SLC24A3: variants seen among roughly 807,000 people sequenced by gnomAD.
The protein encoded by SLC24A3 is sodium/potassium/calcium exchanger 3.
Under a neutral mutation model 75.8 loss-of-function variants are expected in SLC24A3, and 28 were observed. The observed-to-expected ratio is 0.37, with a 90% CI of 0.27 to 0.51. The LOEUF (loss-of-function observed/expected upper bound fraction) is 0.51. Among genes scored for constraint, SLC24A3 ranks in the 20% least tolerant of loss-of-function variants. The pLI is 0.94. For synonymous variants in SLC24A3, 372 were observed against 334.1 expected, an observed-to-expected ratio of 1.11 and a Z score of -1.24; for missense variants, 663 against 847.8, an observed-to-expected ratio of 0.78 and a Z score of 2.71.
intron 2 of SLC24A3, among the ~76,000 whole-genome samples, chr20:19,462,740 A>C (rs16980629): frequency 0.016 from 2,478 of 152,276 alleles, 68 homozygotes; most frequent in East Asian, 0.1. Context: ...ATCACCATGA[A>C]GTCAATGAGA....
chr20:19,430,316 CAG>C (rs369757494), intron 2 of SLC24A3, among the ~76,000 whole-genome samples: 92 of 152,242 alleles, frequency 6.0e-4, no homozygotes, highest in African/African-American at 1.8e-3. Context: ...ATAATCAAAA[CAG>C]AGTTTTCCCT....
chr20:19,559,448 G>C (rs1007490018), intron 3 of SLC24A3, among the ~76,000 whole-genome samples: 1 of 152,120 alleles, frequency 6.6e-6, no homozygotes, highest in Non-Finnish European at 1.5e-5. Context: ...GGAGAGCAAA[G>C]TACTTTTATT....
At chr20:19,654,258 T>C in intron 7 of SLC24A3, 122 bp downstream of exon 7, 2 of 808,730 alleles carry the variant, frequency 2.5e-6, no homozygotes, top group Non-Finnish European at 4.1e-6. Context: ...TGCATGTCTT[T>C]GCTTGGAGGC....
intron 2 of SLC24A3, among the ~76,000 whole-genome samples, chr20:19,436,587 T>C (rs1262441809): frequency 2.0e-5 from 3 of 152,206 alleles, no homozygotes; most frequent in African/African-American, 7.2e-5. Context: ...TCTGGCTGCC[T>C]CTCTCATCAT....
At chr20:19,296,266 G>GTTT (rs1319511739) in intron 2 of SLC24A3, among the ~76,000 whole-genome samples, 4 of 59,780 alleles carry the variant, frequency 6.7e-5, no homozygotes, top group African/African-American at 9.2e-5. Context: ...CTAGCTAGTG[G>GTTT]TCTTTTTTTT....
chr20:19,322,365 CCCTTCCTTCCTTCCTTCCTTCCTT>C lies in SLC24A3; in HGVS notation c.271+41312_271+41335del, dbSNP rs59240769. On this transcript the variant is annotated intron_variant, in intron 2 of 16. Coordinates refer to ENST00000328041, the MANE Select transcript of SLC24A3 (RefSeq NM_020689.4). ...TTGAGCCTTCTTTCCTTCCTTCCTT[CCCTTCCTTCCTTCCTTCCTTCCTT>C]CCTTCCTTCCTTCCTTCCTTCCTTC... Among the ~76,000 whole-genome samples, 7 of 80,072 alleles carry C rather than the reference CCCTTCCTTCCTTCCTTCCTTCCTT, an allele frequency of 8.7e-5. No homozygotes were observed. In the East Asian group the frequency reaches 9.8e-4, roughly 11 times the overall value. The allele number at this position is 80,072 out of a possible 152,430, so 52.5% of individuals were successfully genotyped here. A position where few individuals can be genotyped will look rare whatever the true frequency, so the allele number is the denominator to read the frequency against.
intron 7 of SLC24A3, among the ~76,000 whole-genome samples, chr20:19,658,923 C>G (rs1380895684): frequency 6.6e-6 from 1 of 152,192 alleles, no homozygotes; most frequent in Non-Finnish European, 1.5e-5. Flanking sequence ...TTCCAGCAGA[C>G]GGACAGTTTT....
At chr20:19,380,385 T>G (rs1219169482) in intron 2 of SLC24A3, among the ~76,000 whole-genome samples, 2 of 152,156 alleles carry the variant, frequency 1.3e-5, no homozygotes, top group East Asian at 3.8e-4. Context: ...TGGGTTGTGC[T>G]AAGGAGGCCG....
At chr20:19,699,130 A>T (rs2032843504) in intron 15 of SLC24A3, among the ~76,000 whole-genome samples, 1 of 152,384 alleles carries the variant, frequency 6.6e-6, no homozygotes, top group Non-Finnish European at 1.5e-5. Context: ...TGTAAAAACC[A>T]TTCTTCACTC....
At chr20:19,624,454 C>T (rs987810812) in intron 6 of SLC24A3, among the ~76,000 whole-genome samples, 15 of 152,188 alleles carry the variant, frequency 9.9e-5, no homozygotes, top group Non-Finnish European at 1.5e-4. Context: ...CACACAAGAA[C>T]GAACATTTAT....
At chr20:19,356,398 A>G (rs559548655) in intron 2 of SLC24A3, among the ~76,000 whole-genome samples, 2 of 152,342 alleles carry the variant, frequency 1.3e-5, no homozygotes, top group South Asian at 4.1e-4. Flanking sequence ...AATGCCAAGT[A>G]TCAGCTGCAT....
chr20:19,495,767 A>G (rs1396866394), intron 2 of SLC24A3, among the ~76,000 whole-genome samples: 1 of 152,136 alleles, frequency 6.6e-6, no homozygotes, highest in African/African-American at 2.4e-5. Flanking sequence ...GAAAAGTACA[A>G]TCTTTTCCAT....
intron 8 of SLC24A3, among the ~76,000 whole-genome samples, chr20:19,668,027 TG>T (rs1222869588): frequency 6.6e-6 from 1 of 152,118 alleles, no homozygotes; most frequent in African/African-American, 2.4e-5. Context: ...TTGATCTATC[TG>T]GGGGGCATTG....
At chr20:19,576,475 A>C (rs117354332) in intron 3 of SLC24A3, among the ~76,000 whole-genome samples, 1 of 152,108 alleles carries the variant, frequency 6.6e-6, no homozygotes, top group Non-Finnish European at 1.5e-5. Context: ...TGGCAGGCCC[A>C]CCGTCAGGTG....
chr20:19,236,002 A>G (rs78220289), intron 1 of SLC24A3, among the ~76,000 whole-genome samples: 1,822 of 152,362 alleles, frequency 0.012, 18 homozygotes, highest in Non-Finnish European at 0.019. Context: ...GTGCTCATGT[A>G]TGAGACAAAT....
intron 2 of SLC24A3, among the ~76,000 whole-genome samples, chr20:19,309,131 C>T (rs1984399505): frequency 1.3e-5 from 2 of 152,282 alleles, no homozygotes; most frequent in South Asian, 4.1e-4. Flanking sequence ...GGTTTGTCTA[C>T]CTTTAAAACT....
At chr20:19,404,294 A>C (rs1480009080) in intron 2 of SLC24A3, among the ~76,000 whole-genome samples, 1 of 152,196 alleles carries the variant, frequency 6.6e-6, no homozygotes, top group Non-Finnish European at 1.5e-5. Context: ...GTATTTAGAC[A>C]ATGAAATATG....
intron 1 of SLC24A3, among the ~76,000 whole-genome samples, chr20:19,214,315 G>T (rs1981492854): frequency 6.6e-6 from 1 of 152,208 alleles, no homozygotes; most frequent in South Asian, 2.1e-4. Flanking sequence ...ACATCAGGAA[G>T]GGGGCCGTGC....
At chr20:19,463,609 C>T (rs879900516) in intron 2 of SLC24A3, among the ~76,000 whole-genome samples, 2 of 152,198 alleles carry the variant, frequency 1.3e-5, no homozygotes, top group Non-Finnish European at 2.9e-5. Context: ...ACAGTGGGAA[C>T]TGTGGTGGGC....
Sources: allele counts gnomAD v4.1 joint callset (sites outside exome capture counted in the v4.1 genomes callset), GRCh38; gene constraint gnomAD v4.1.1; transcripts MANE v1.5; gene names NCBI Gene and HGNC (gene_info 2026-07-23, HGNC 2026-07-21).